The following PRKN variants were observed in gnomAD, a reference collection of about 807,000 sequenced individuals.
PRKN encodes parkin RBR E3 ubiquitin protein ligase, also known as E3 ubiquitin-protein ligase parkin.
A neutral mutation model predicts 59.5 loss-of-function variants in PRKN; 56 were observed. The observed-to-expected ratio is 0.94, with a 90% CI of 0.76 to 1.18. The LOEUF (loss-of-function observed/expected upper bound fraction) is 1.18. Among genes scored for constraint, PRKN ranks in the 50% most tolerant of loss-of-function variants. PRKN has a pLI of 0.00. For synonymous variants in PRKN, 250 were observed against 222.1 expected, an observed-to-expected ratio of 1.13 and a Z score of -1.12; for missense variants, 657 against 596.4, an observed-to-expected ratio of 1.10 and a Z score of -1.06.
intron 2 of PRKN, among the ~76,000 whole-genome samples, chr6:162,346,106 A>T (rs1427595396): frequency 6.6e-6 from 1 of 152,200 alleles, no homozygotes; most frequent in East Asian, 1.9e-4. Context: ...ACTATGAGCC[A>T]AATGAACTCT....
At chr6:161,782,046 G>A (rs552108707) in intron 7 of PRKN, among the ~76,000 whole-genome samples, 1 of 152,286 alleles carries the variant, frequency 6.6e-6, no homozygotes, top group East Asian at 1.9e-4. Flanking sequence ...CTTTGGTGCA[G>A]TAACCCCTCT....
chr6:161,771,625 A>G (rs1305080623), intron 7 of PRKN, among the ~76,000 whole-genome samples: 1 of 152,190 alleles, frequency 6.6e-6, no homozygotes, highest in Middle Eastern at 3.2e-3. Context: ...AGAAAATATA[A>G]GAAATATTAT....
intron 7 of PRKN, among the ~76,000 whole-genome samples, chr6:161,710,856 CCCTTCCCTTT>C (rs1316884929): frequency 1.8e-5 from 1 of 55,588 alleles, no homozygotes; most frequent in Non-Finnish European, 4.3e-5. Context: ...TTCTTCCCTT[CCCTTCCCTTT>C]CCTTCCTTCC....
At chr6:161,912,802 A>G (rs1778413241) in intron 6 of PRKN, among the ~76,000 whole-genome samples, 1 of 152,150 alleles carries the variant, frequency 6.6e-6, no homozygotes, top group Non-Finnish European at 1.5e-5. Context: ...ATACAGGAAG[A>G]GCACCACACT....
intron 1 of PRKN, among the ~76,000 whole-genome samples, chr6:162,709,802 G>A (rs1778462192): frequency 6.7e-6 from 1 of 150,100 alleles, no homozygotes; most frequent in Admixed American, 6.7e-5. Flanking sequence ...GCTATCTGGA[G>A]AAGGAAGGAA....
rs374841507 is a variant in PRKN, at chr6:162,243,686, A to T, written c.412+18839T>A. Among the ~76,000 whole-genome samples, 104 of 152,278 alleles carry T rather than the reference A, an allele frequency of 6.8e-4. 2 individuals carry two copies. In the South Asian group the frequency reaches 0.02, roughly 29 times the overall value. On this transcript the variant is annotated intron_variant, in intron 3 of 11. Transcript: ENST00000366898. ...AAATTAATATGCATATTTTAGTGTA[A>T]CCTCATTGTGTCTATAAGGAGGATA...
intron 2 of PRKN, among the ~76,000 whole-genome samples, chr6:162,328,565 G>C (rs928287555): frequency 6.6e-6 from 1 of 152,166 alleles, no homozygotes; most frequent in African/African-American, 2.4e-5. Flanking sequence ...CGGGAGAAAA[G>C]AGACCGGTAA....
At chr6:162,379,714 A>C (rs1786323858) in intron 2 of PRKN, among the ~76,000 whole-genome samples, 1 of 152,138 alleles carries the variant, frequency 6.6e-6, no homozygotes, top group Non-Finnish European at 1.5e-5. Flanking sequence ...TCTCCTGGGG[A>C]CGTCACATAT....
intron 6 of PRKN, among the ~76,000 whole-genome samples, chr6:161,897,148 G>C (rs1165601679): frequency 6.6e-6 from 1 of 152,222 alleles, no homozygotes; most frequent in African/African-American, 2.4e-5. Context: ...AGCCAACAGT[G>C]TTCAATACTC....
intron 2 of PRKN, among the ~76,000 whole-genome samples, chr6:162,409,622 T>C (rs745439035): frequency 5.9e-5 from 9 of 152,146 alleles, no homozygotes; most frequent in Non-Finnish European, 4.4e-5. Context: ...AACACTAACG[T>C]ATTCAGTATT....
intron 5 of PRKN, among the ~76,000 whole-genome samples, chr6:162,015,377 A>G (rs1782896537): frequency 6.6e-6 from 1 of 152,220 alleles, no homozygotes. Context: ...AGAGAAAAAA[A>G]GAGCTATGTA....
chr6:162,177,510 GTATAAC>G (rs2088157408), intron 4 of PRKN, among the ~76,000 whole-genome samples: 1 of 152,044 alleles, frequency 6.6e-6, no homozygotes, highest in African/African-American at 2.4e-5. Context: ...AAAGGCACTG[GTATAAC>G]TATAACTTAT....
intron 10 of PRKN, among the ~76,000 whole-genome samples, chr6:161,384,298 C>T (rs1243141002): frequency 2.0e-5 from 3 of 152,068 alleles, no homozygotes; most frequent in African/African-American, 4.8e-5. Flanking sequence ...TCACGCCTGT[C>T]ATCTCAGTAC....
intron 1 of PRKN, among the ~76,000 whole-genome samples, chr6:162,459,023 T>C (rs540895005): frequency 2.0e-5 from 3 of 152,248 alleles, no homozygotes; most frequent in Non-Finnish European, 4.4e-5. Flanking sequence ...ATTCGCCTTG[T>C]TGGCCAGGCA....
In PRKN at chr6:161,897,234, C is replaced by G. The variant is rs7747093; in HGVS notation, c.734+76068G>C. Among the ~76,000 whole-genome samples the G allele has an allele frequency of 8.7e-3, 1,322 of 152,302 alleles. 26 individuals carry two copies. Among genetic ancestry groups the G allele is most frequent in the African/African-American group, 0.031 (1,269 of 41,566 alleles). ...ACTGCAGCCTCCTCAAGCCCAGAAG[C>G]CTGAATCTGTTTTTTAATTTAGCAG... is the stretch of plus-strand genomic sequence containing the variant. On this transcript the variant is annotated intron_variant, in intron 6 of 11. Transcript: ENST00000366898.
At chr6:161,895,712 G>A (rs981090557) in intron 6 of PRKN, among the ~76,000 whole-genome samples, 12 of 149,668 alleles carry the variant, frequency 8.0e-5, no homozygotes, top group African/African-American at 3.0e-4. Context: ...TGAGATTCAG[G>A]AGCACGCCCA....
chr6:161,622,795 A>C (rs1007320802), intron 7 of PRKN, among the ~76,000 whole-genome samples: 1 of 152,222 alleles, frequency 6.6e-6, no homozygotes, highest in East Asian at 1.9e-4. Flanking sequence ...TTCCTTCTGA[A>C]ATGAATTTTC....
At chr6:162,267,954 C>T (rs1177169800) in intron 2 of PRKN, among the ~76,000 whole-genome samples, 1 of 152,082 alleles carries the variant, frequency 6.6e-6, no homozygotes. Flanking sequence ...CTTCCAAGCA[C>T]TTAATAAAGA....
chr6:162,703,262 T>C (rs533488235), intron 1 of PRKN, among the ~76,000 whole-genome samples: 1 of 152,334 alleles, frequency 6.6e-6, no homozygotes, highest in South Asian at 2.1e-4. Context: ...ACAACTACAA[T>C]ACAATGACGT....
Sources: gnomAD v4.1 joint callset for allele counts (sites outside exome capture counted in the v4.1 genomes callset) on GRCh38, gnomAD v4.1.1 for gene constraint, MANE v1.5 for transcripts, NCBI Gene and HGNC (gene_info 2026-07-23, HGNC 2026-07-21) for gene names.